Variants in ADAM12 observed in about 807,000 individuals in gnomAD.
ADAM12 encodes the protein ADAM metallopeptidase domain 12, also known as disintegrin and metalloproteinase domain-containing protein 12.
In ADAM12, 70 loss-of-function variants were observed where a neutral mutation model predicts 106.4. That is an observed-to-expected ratio of 0.66 (90% CI 0.54 to 0.80). The LOEUF (loss-of-function observed/expected upper bound fraction) is 0.80, where lower values mean the gene tolerates loss of function less well. Ranked by LOEUF, ADAM12 falls within the 30% of genes least tolerant of loss-of-function variation. The probability of loss-of-function intolerance (pLI) is 0.00; values close to 1 mark genes in which losing one functional copy is unlikely to be tolerated. For synonymous variants in ADAM12, 420 were observed against 433.5 expected (o/e 0.97, Z 0.39); for missense variants, 1,010 against 1,171.9 (o/e 0.86, Z 2.02).
At chr10:126,088,718 C>CAAAAACA (rs1032144265) in intron 11 of ADAM12, among the ~76,000 whole-genome samples, 5 of 49,700 alleles carry the variant, frequency 1.0e-4, no homozygotes, top group Admixed American at 2.4e-4. Flanking sequence ...TCTCAAAAAA[C>CAAAAACA]AAAAACAAAA....
At chr10:126,078,506 G>A (rs571290157) in intron 11 of ADAM12, among the ~76,000 whole-genome samples, 16 of 152,260 alleles carry the variant, frequency 1.1e-4, no homozygotes, top group African/African-American at 3.4e-4. Context: ...GAGTCTGAGT[G>A]GAACTGTGCA....
At chr10:126,103,311 A>G (rs969078932) in intron 8 of ADAM12, among the ~76,000 whole-genome samples, 1 of 152,176 alleles carries the variant, frequency 6.6e-6, no homozygotes, top group Non-Finnish European at 1.5e-5. Context: ...GTCATCATAC[A>G]TGATGCCTTT....
intron 8 of ADAM12, among the ~76,000 whole-genome samples, chr10:126,103,141 G>C (rs1955699919): frequency 6.6e-6 from 1 of 152,188 alleles, no homozygotes; most frequent in Non-Finnish European, 1.5e-5. Context: ...TCATCAAGGA[G>C]CTTTTCATGA....
chr10:126,342,060 C>T lies in ADAM12; in HGVS notation c.89-11551G>A, dbSNP rs550453098. ...CAACAAGAAGGGGCACATCCTATGC[C>T]CCATGCCCGACAGCAGGAATGTTCA... On this transcript the variant is annotated intron_variant, in intron 1 of 22. Transcript: ENST00000448723. 3.0e-4 allele frequency among the ~76,000 whole-genome samples: 46 copies of T among 152,254 alleles called. No individual in the cohort carries two copies. In the South Asian group the frequency reaches 8.9e-3, roughly 30 times the overall value.
intron 3 of ADAM12, among the ~76,000 whole-genome samples, chr10:126,258,588 T>C (rs1817074678): frequency 6.6e-6 from 1 of 152,222 alleles, no homozygotes; most frequent in Non-Finnish European, 1.5e-5. Flanking sequence ...TGGCCAGATC[T>C]AGTCTGGTCT....
chr10:126,254,232 C>T (rs1157383210), intron 3 of ADAM12, among the ~76,000 whole-genome samples: 1 of 152,222 alleles, frequency 6.6e-6, no homozygotes, highest in African/African-American at 2.4e-5. Flanking sequence ...CACCTATCAG[C>T]TGCGTGACCT....
chr10:126,200,146 A>G (rs1395888100), intron 3 of ADAM12, among the ~76,000 whole-genome samples: 2 of 152,154 alleles, frequency 1.3e-5, no homozygotes, highest in Admixed American at 6.5e-5. Context: ...GGGCCACATA[A>G]TGAGGTGGAA....
rs950907043 is a variant in ADAM12 at position 126,064,457 on chromosome 10, G to A, written c.1609+349C>T. ...GTGGATTCATCCCTGCCATCCCTCGGGGCACGCAGTAGGTGCTCCTGCAGC... is the reference window on the plus strand; with the variant it reads ...GTGGATTCATCCCTGCCATCCCTCGAGGCACGCAGTAGGTGCTCCTGCAGC... On this transcript the variant is annotated intron_variant, in intron 14 of 22. Coordinates refer to ENST00000448723, the MANE Select transcript of ADAM12 (RefSeq NM_001288973.2). This position sits in a 1 kb window ranked among gnomAD's most constrained non-coding sequence, Gnocchi z 4.4. 6.6e-6 allele frequency among the ~76,000 whole-genome samples: 1 copy of A among 152,138 alleles called. No homozygotes were observed. Among genetic ancestry groups the A allele is most frequent in the African/African-American group, 2.4e-5 (1 of 41,428 alleles).
At chr10:126,384,693 A>C (rs1030724137) in intron 1 of ADAM12, among the ~76,000 whole-genome samples, 1 of 152,186 alleles carries the variant, frequency 6.6e-6, no homozygotes, top group Non-Finnish European at 1.5e-5. Context: ...AGGTTGCGTA[A>C]GGGATGGGAA....
chr10:126,115,738 G>A (rs1209738676), intron 6 of ADAM12, among the ~76,000 whole-genome samples: 2 of 152,174 alleles, frequency 1.3e-5, no homozygotes, highest in African/African-American at 2.4e-5. Flanking sequence ...AACAAGATTA[G>A]TTAGCAGCCT....
chr10:126,039,501 G>A lies in ADAM12; in HGVS notation c.2105-72C>T, dbSNP rs574586913. On this transcript the variant is annotated intron_variant, in intron 18 of 22. Coordinates refer to ENST00000448723, the MANE Select transcript of ADAM12 (RefSeq NM_001288973.2). Reference sequence around the variant, plus strand: ...AATATGGGAGGTATCAAGTTGTGACGTTTATGGCAAAGTGAACTCTGAAGC... The same window carrying A: ...AATATGGGAGGTATCAAGTTGTGACATTTATGGCAAAGTGAACTCTGAAGC... 1.4e-3 allele frequency: 2,175 copies of A among 1,581,840 alleles called. 5 individuals are homozygous for A. The highest frequency in any genetic ancestry group is 1.8e-3 in the Non-Finnish European group (2,034 of 1,154,004).
chr10:126,270,551 C>G (rs1180849092), intron 3 of ADAM12, among the ~76,000 whole-genome samples: 1 of 152,232 alleles, frequency 6.6e-6, no homozygotes, highest in Non-Finnish European at 1.5e-5. Flanking sequence ...TAAATAGCCA[C>G]ATGTGGCTAG....
chr10:126,105,229 T>C (rs904565475), intron 8 of ADAM12, among the ~76,000 whole-genome samples: 2 of 152,186 alleles, frequency 1.3e-5, no homozygotes, highest in Non-Finnish European at 2.9e-5. Flanking sequence ...AATTGCTCAT[T>C]TTTGGTTTTG....
intron 1 of ADAM12, among the ~76,000 whole-genome samples, chr10:126,346,669 A>G (rs1322410102): frequency 2.0e-5 from 3 of 152,142 alleles, no homozygotes; most frequent in Admixed American, 2.0e-4. Context: ...TTCTCTTTGT[A>G]GGTCTCTAAG....
At chr10:126,017,877 A>G (rs942308999) in intron 22 of ADAM12, among the ~76,000 whole-genome samples, 15 of 152,218 alleles carry the variant, frequency 9.9e-5, no homozygotes, top group Non-Finnish European at 4.4e-5. Flanking sequence ...AACTGACCAG[A>G]GGTAAGATTG....
chr10:126,038,146 G>T, intron 20 of ADAM12, 95 bp downstream of exon 20: 2 of 1,148,832 alleles, frequency 1.7e-6, no homozygotes, highest in Non-Finnish European at 2.5e-6. Context: ...CATTTCACAG[G>T]CAGCGCCTCT....
At chr10:126,162,551 AG>A (rs1027747926) in intron 3 of ADAM12, among the ~76,000 whole-genome samples, 1 of 152,112 alleles carries the variant, frequency 6.6e-6, no homozygotes, top group African/African-American at 2.4e-5. Flanking sequence ...CAAACACGGA[AG>A]GGACCTGAGC....
At chr10:126,213,271 T>C (rs905385108) in intron 3 of ADAM12, among the ~76,000 whole-genome samples, 3 of 152,200 alleles carry the variant, frequency 2.0e-5, no homozygotes, top group African/African-American at 7.2e-5. Context: ...AGGTTTTCGT[T>C]TTCACTTGAC....
At chr10:126,277,089 A>C (rs1959290711) in intron 3 of ADAM12, among the ~76,000 whole-genome samples, 1 of 152,232 alleles carries the variant, frequency 6.6e-6, no homozygotes, top group Admixed American at 6.5e-5. Flanking sequence ...TAAGAAGACA[A>C]AAGAAACAAA....
Sources: gnomAD v4.1 joint callset for allele counts (sites outside exome capture counted in the v4.1 genomes callset) on GRCh38, gnomAD v4.1.1 for gene constraint, Gnocchi (gnomAD v3.1) non-coding constraint, MANE v1.5 for transcripts, NCBI Gene and HGNC (gene_info 2026-07-23, HGNC 2026-07-21) for gene names.